The following ANKRD55 variants were observed in gnomAD, a reference collection of about 807,000 sequenced individuals.
ANKRD55 encodes ankyrin repeat domain-containing protein 55.
A neutral mutation model predicts 60.6 loss-of-function variants in ANKRD55; 41 were observed. That is an observed-to-expected ratio of 0.68 (90% confidence interval 0.53 to 0.88). ANKRD55 has a LOEUF of 0.88. Among genes scored for constraint, ANKRD55 ranks in the 40% least tolerant of loss-of-function variants. ANKRD55 has a pLI of 0.00. For missense variants in ANKRD55, 732 were observed against 767.6 expected (o/e 0.95, Z 0.55); for synonymous variants, 264 against 290.3 (o/e 0.91, Z 0.92).
chr5:56,136,113 A>T (rs182657772), intron 7 of ANKRD55, among the ~76,000 whole-genome samples: 1 of 152,286 alleles, frequency 6.6e-6, no homozygotes, highest in East Asian at 1.9e-4. Flanking sequence ...TAAAAATTAT[A>T]AAAATAAATA....
intron 2 of ANKRD55, among the ~76,000 whole-genome samples, chr5:56,194,302 T>A: frequency 7.1e-6 from 1 of 141,128 alleles, no homozygotes; most frequent in East Asian, 2.0e-4. Context: ...GGTGACAGAG[T>A]GAGACTCCAT....
At chr5:56,120,834 G>A (rs1159052687) in intron 8 of ANKRD55, among the ~76,000 whole-genome samples, 2 of 151,588 alleles carry the variant, frequency 1.3e-5, no homozygotes, top group Non-Finnish European at 2.9e-5. Flanking sequence ...GGGAGGCAGA[G>A]GTTGCAGTGA....
At chr5:56,219,202 G>T (rs564927311) in intron 2 of ANKRD55, among the ~76,000 whole-genome samples, 1 of 150,570 alleles carries the variant, frequency 6.6e-6, no homozygotes, top group Non-Finnish European at 1.5e-5. Context: ...AAACCCCGGA[G>T]GTGGAGGTTG....
At position 56,165,049 on chromosome 5, in the gene ANKRD55, C is replaced by T. The variant is rs115808684; in HGVS notation, c.423-5156G>A. ...CCCTTAGCTTGTTTATAAGCAGCTT[C>T]GGTTTGAGGCTTCTCTCTGAATAAC... is the stretch of plus-strand genomic sequence containing the variant. On this transcript the variant is annotated intron_variant, in intron 5 of 11. Transcript: ENST00000341048. Among the ~76,000 whole-genome samples, 848 of 152,238 alleles carry T rather than the reference C, an allele frequency of 5.6e-3. 8 individuals carry two copies. Among genetic ancestry groups the T allele is most frequent in the African/African-American group, 0.019 (805 of 41,524 alleles).
chr5:56,135,802 T>C (rs557866669), intron 7 of ANKRD55, among the ~76,000 whole-genome samples: 1 of 152,182 alleles, frequency 6.6e-6, no homozygotes, highest in South Asian at 2.1e-4. Context: ...TATCTATGTA[T>C]AAAATCTGAA....
chr5:56,223,029 C>G (rs887132798), intron 2 of ANKRD55, among the ~76,000 whole-genome samples: 1 of 151,982 alleles, frequency 6.6e-6, no homozygotes, highest in Admixed American at 6.6e-5. Context: ...CTCAAGAAGA[C>G]CAACTCCAAG....
At chr5:56,213,725 G>A (rs138719934) in intron 2 of ANKRD55, among the ~76,000 whole-genome samples, 3 of 152,166 alleles carry the variant, frequency 2.0e-5, no homozygotes, top group East Asian at 3.8e-4. Flanking sequence ...TATCCAGAAG[G>A]CGTCGTAGTC....
chr5:56,160,014 G>A, intron 5 of ANKRD55, 121 bp from the exon 6 acceptor site: 1 of 762,024 alleles, frequency 1.3e-6, no homozygotes, highest in Non-Finnish European at 2.2e-6. Context: ...TGAAGATGAG[G>A]GCCCTTTCCG....
intron 5 of ANKRD55, among the ~76,000 whole-genome samples, chr5:56,165,842 T>C (rs1298612947): frequency 6.6e-6 from 1 of 152,086 alleles, no homozygotes; most frequent in Non-Finnish European, 1.5e-5. Flanking sequence ...GGCAGGAGAA[T>C]TGCTTGAACC....
intron 2 of ANKRD55, among the ~76,000 whole-genome samples, chr5:56,203,849 C>T (rs1253836354): frequency 6.6e-6 from 1 of 151,998 alleles, no homozygotes; most frequent in Non-Finnish European, 1.5e-5. Flanking sequence ...GGGTATATAC[C>T]CAGTAATGGG....
chr5:56,222,064 C>G (rs866379168), intron 2 of ANKRD55, among the ~76,000 whole-genome samples: 1 of 152,040 alleles, frequency 6.6e-6, no homozygotes, highest in South Asian at 2.1e-4. Context: ...GGGTCCCTGA[C>G]CCCCGAGTAG....
intron 2 of ANKRD55, among the ~76,000 whole-genome samples, chr5:56,219,180 G>A (rs970766947): frequency 4.7e-5 from 7 of 149,360 alleles, no homozygotes; most frequent in African/African-American, 1.7e-4. Context: ...GGCTGGGGCA[G>A]GAGAATCACT....
At chr5:56,214,249 C>T (rs1444146247) in intron 2 of ANKRD55, among the ~76,000 whole-genome samples, 2 of 152,146 alleles carry the variant, frequency 1.3e-5, no homozygotes, top group Admixed American at 1.3e-4. Context: ...TGCTCTGCCA[C>T]GAATTCATTA....
chr5:56,135,147 T>C (rs1350690262), intron 7 of ANKRD55, among the ~76,000 whole-genome samples: 2 of 152,074 alleles, frequency 1.3e-5, no homozygotes, highest in African/African-American at 4.8e-5. Flanking sequence ...AACATCATAC[T>C]TCAAGGTGAA....
At chr5:56,208,624 A>G (rs1049279376) in intron 2 of ANKRD55, among the ~76,000 whole-genome samples, 1 of 152,126 alleles carries the variant, frequency 6.6e-6, no homozygotes, top group African/African-American at 2.4e-5. Flanking sequence ...GGGTTTTGCC[A>G]TGTTGGCCAG....
chr5:56,143,893 G>T lies in ANKRD55; in HGVS notation c.520C>A (p.Gln174Lys), dbSNP rs1321726105. Reference sequence around the variant, plus strand: ...AGCAGCATTTGTGTGTGTTGAGGCTGGTTGTGGAAAGCCGCCCAGTGGAGT... The same window carrying T: ...AGCAGCATTTGTGTGTGTTGAGGCTTGTTGTGGAAAGCCGCCCAGTGGAGT... Reference protein sequence around the residue: ...TPLHWAAFHNQPQHTQMLLKK... With the variant: ...TPLHWAAFHNKPQHTQMLLKK... Residue 174 changes from glutamine (Q) to lysine (K), a missense_variant, in exon 7 of 12, where the codon CAG becomes AAG. This residue lies in a region of ANKRD55 where 597 missense variants were observed against 607.5 expected (regional missense o/e 0.98). Transcript: ENST00000341048. 5 of 1,613,980 alleles carry T rather than the reference G, an allele frequency of 3.1e-6. No homozygotes were observed. The highest frequency in any genetic ancestry group is 1.1e-5 in the South Asian group (1 of 91,064).
At chr5:56,224,919 T>C (rs938983181) in intron 2 of ANKRD55, among the ~76,000 whole-genome samples, 2 of 152,140 alleles carry the variant, frequency 1.3e-5, no homozygotes, top group African/African-American at 4.8e-5. Context: ...AAGGAGCTGG[T>C]ACCATTCCTT....
At chr5:56,222,228 C>A (rs1488594742) in intron 2 of ANKRD55, among the ~76,000 whole-genome samples, 1 of 152,174 alleles carries the variant, frequency 6.6e-6, no homozygotes, top group African/African-American at 2.4e-5. Flanking sequence ...GATACCCAGG[C>A]AAACAGAGTC....
intron 4 of ANKRD55, among the ~76,000 whole-genome samples, chr5:56,173,541 CCT>C (rs71578616): frequency 0.13 from 7,888 of 60,720 alleles, 530 homozygotes; most frequent in Non-Finnish European, 0.17. Flanking sequence ...TAGAGATTCG[CCT>C]CTCTCTCTCT....
Sources: allele counts gnomAD v4.1 joint callset (sites outside exome capture counted in the v4.1 genomes callset), GRCh38; gene constraint gnomAD v4.1.1; regional missense constraint gnomAD v4.1.1; transcripts MANE v1.5; gene names NCBI Gene and HGNC (gene_info 2026-07-23, HGNC 2026-07-21).